The following SLC44A5 variants were observed in gnomAD, a reference collection of about 807,000 sequenced individuals.
SLC44A5 encodes the protein solute carrier family 44 member 5, also known as choline transporter-like protein 5.
In SLC44A5, 57 loss-of-function variants were observed where a neutral mutation model predicts 101.8. The ratio of observed to expected loss-of-function variants is 0.56; its 90% CI spans 0.45 to 0.70. The LOEUF is 0.70. SLC44A5 is among the 30% of genes least tolerant of loss of function. SLC44A5 has a pLI of 0.00. For missense variants in SLC44A5, 737 were observed against 853.1 expected (o/e 0.86, Z 1.70); for synonymous variants, 281 against 290.9 (o/e 0.97, Z 0.35).
chr1:75,218,809 A>C, intron 16 of SLC44A5, 57 bp from the exon 17 acceptor site: 2 of 1,505,628 alleles, frequency 1.3e-6, no homozygotes, highest in Non-Finnish European at 1.8e-6. Flanking sequence ...CCAAGATAAC[A>C]ACTCCCTGTG....
chr1:75,297,986 TG>T (rs2100850937), intron 5 of SLC44A5, among the ~76,000 whole-genome samples: 1 of 152,258 alleles, frequency 6.6e-6, no homozygotes, highest in South Asian at 2.1e-4. Context: ...ACAACAAAAA[TG>T]TCTCTTCCAT....
chr1:75,292,835 T>C (rs540274007), intron 5 of SLC44A5, among the ~76,000 whole-genome samples: 2 of 152,350 alleles, frequency 1.3e-5, no homozygotes, highest in Admixed American at 1.3e-4. Context: ...TCTCTGTAAC[T>C]TTCATTACTT....
upstream of SLC44A5, among the ~76,000 whole-genome samples, chr1:75,613,686 C>A (rs1675749807): frequency 6.6e-6 from 1 of 152,154 alleles, no homozygotes; most frequent in African/African-American, 2.4e-5. Context: ...TTTATTGAGA[C>A]CACATGTCGT....
intron 12 of SLC44A5, 77 bp from the exon 13 acceptor site, chr1:75,227,934 A>C: frequency 8.4e-7 from 1 of 1,194,682 alleles, no homozygotes; most frequent in Non-Finnish European, 1.2e-6. Context: ...CATCATACAT[A>C]TCTATATGAA....
At chr1:75,423,530 AT>A (rs1396222270) in intron 2 of SLC44A5, among the ~76,000 whole-genome samples, 14 of 152,200 alleles carry the variant, frequency 9.2e-5, no homozygotes, top group Admixed American at 9.2e-4. Flanking sequence ...TGATTTAAGG[AT>A]TTTAAGAAAT....
At chr1:75,542,787 ATTATT>A (rs1184374818) in intron 1 of SLC44A5, among the ~76,000 whole-genome samples, 1 of 151,934 alleles carries the variant, frequency 6.6e-6, no homozygotes, top group Non-Finnish European at 1.5e-5. Context: ...TCACCTTTTG[ATTATT>A]TTGTTTTTAT....
At chr1:75,532,588 T>C (rs1670779615) in intron 2 of SLC44A5, among the ~76,000 whole-genome samples, 1 of 152,216 alleles carries the variant, frequency 6.6e-6, no homozygotes, top group Non-Finnish European at 1.5e-5. Flanking sequence ...GCAGTTATTA[T>C]TCTCTAACAT....
intron 2 of SLC44A5, among the ~76,000 whole-genome samples, chr1:75,426,769 C>G (rs1483313757): frequency 6.6e-6 from 1 of 152,216 alleles, no homozygotes; most frequent in Non-Finnish European, 1.5e-5. Context: ...GCTGAAGCCA[C>G]TCACGACTTT....
chr1:75,584,932 G>C (rs1184291794), intron 1 of SLC44A5, among the ~76,000 whole-genome samples: 1 of 152,098 alleles, frequency 6.6e-6, no homozygotes, highest in Non-Finnish European at 1.5e-5. Context: ...TTAATGATCA[G>C]GAAGATAATT....
chr1:75,617,421 C>T, the SLC44A5 span, among the ~76,000 whole-genome samples: 1 of 152,176 alleles, frequency 6.6e-6, no homozygotes, highest in Non-Finnish European at 1.5e-5. Flanking sequence ...AACTTCGTAG[C>T]TCTGAGAATT....
At chr1:75,533,424 C>A (rs1287019128) in intron 2 of SLC44A5, among the ~76,000 whole-genome samples, 2 of 152,030 alleles carry the variant, frequency 1.3e-5, no homozygotes, top group East Asian at 3.9e-4. Context: ...TACAAATAAC[C>A]CATTAAGGCT....
the SLC44A5 span, among the ~76,000 whole-genome samples, chr1:75,714,127 C>T: frequency 1.0e-3 from 152 of 152,146 alleles, no homozygotes; most frequent in African/African-American, 3.5e-3. Context: ...ATGCAAAAAT[C>T]CTCAACAAAA....
chr1:75,390,410 C>CAAAAAAAAAAAAAAA (rs34118379), intron 3 of SLC44A5, among the ~76,000 whole-genome samples: 1 of 88,258 alleles, frequency 1.1e-5, no homozygotes, highest in Non-Finnish European at 2.4e-5. Context: ...AAATCCTTAA[C>CAAAAAAAAAAAAAAA]AAAAAAAAAA....
chr1:75,315,820 C>T (rs1655643627), intron 4 of SLC44A5, among the ~76,000 whole-genome samples: 3 of 152,080 alleles, frequency 2.0e-5, no homozygotes, highest in Non-Finnish European at 2.9e-5. Context: ...TATCTCTGCC[C>T]GCCGCTCACT....
intron 1 of SLC44A5, among the ~76,000 whole-genome samples, chr1:75,603,753 G>GTTTGT (rs1675140559): frequency 1.8e-5 from 1 of 54,086 alleles, no homozygotes; most frequent in South Asian, 7.4e-4. Context: ...ATTTTTTCAT[G>GTTTGT]TTTTTTTTTT....
chr1:75,244,008 T>G (rs1166724603), intron 7 of SLC44A5, among the ~76,000 whole-genome samples: 1 of 152,120 alleles, frequency 6.6e-6, no homozygotes, highest in East Asian at 1.9e-4. Context: ...TTTCTGCACA[T>G]GCCAGCTCCT....
At chr1:75,548,311 C>T (rs939141018) in intron 1 of SLC44A5, among the ~76,000 whole-genome samples, 2 of 152,012 alleles carry the variant, frequency 1.3e-5, no homozygotes, top group African/African-American at 2.4e-5. Context: ...GAAAATGGAT[C>T]GATCTAATAG....
chr1:75,445,023 T>C (rs1570299254), intron 2 of SLC44A5, among the ~76,000 whole-genome samples: 1 of 152,134 alleles, frequency 6.6e-6, no homozygotes, highest in African/African-American at 2.4e-5. Context: ...ACATCCTCTC[T>C]CTTGATGTAA....
the SLC44A5 span, among the ~76,000 whole-genome samples, chr1:75,685,957 G>A: frequency 6.6e-6 from 1 of 152,220 alleles, no homozygotes; most frequent in African/African-American, 2.4e-5. Context: ...AATCATGGTA[G>A]AAGGGGAAGC....
Sources: allele counts gnomAD v4.1 joint callset (sites outside exome capture counted in the v4.1 genomes callset), GRCh38; gene constraint gnomAD v4.1.1; transcripts MANE v1.5; gene names NCBI Gene and HGNC (gene_info 2026-07-23, HGNC 2026-07-21).